The following MAGI2 variants were observed in gnomAD, a reference collection of about 807,000 sequenced individuals.
The protein encoded by MAGI2 is membrane associated guanylate kinase, WW and PDZ domain containing 2, also known as membrane-associated guanylate kinase, WW and PDZ domain-containing protein 2.
Under a neutral mutation model 133.3 loss-of-function variants are expected in MAGI2, and 35 were observed. The ratio of observed to expected loss-of-function variants is 0.26; its 90% CI spans 0.20 to 0.35. MAGI2 has a LOEUF of 0.35. MAGI2 is among the 10% of genes least tolerant of loss of function. MAGI2 has a pLI of 1.00. For missense variants in MAGI2, 1,636 were observed against 1,863.4 expected (o/e 0.88, Z 2.25); for synonymous variants, 729 against 710.6 (o/e 1.03, Z -0.41).
intron 1 of MAGI2, among the ~76,000 whole-genome samples, chr7:79,260,636 C>T (rs1208032562): frequency 2.6e-5 from 4 of 152,108 alleles, no homozygotes; most frequent in South Asian, 2.1e-4. Context: ...CAATGGAAAA[C>T]TCCATACCTG....
chr7:79,031,762 G>A (rs188471090), intron 1 of MAGI2, among the ~76,000 whole-genome samples: 12 of 152,028 alleles, frequency 7.9e-5, no homozygotes, highest in African/African-American at 2.7e-4. Flanking sequence ...CATAATCAAA[G>A]CACATTTGTT....
chr7:78,378,498 A>G (rs967863245), intron 6 of MAGI2, among the ~76,000 whole-genome samples: 1 of 152,044 alleles, frequency 6.6e-6, no homozygotes, highest in African/African-American at 2.4e-5. Flanking sequence ...CTAAAAGATA[A>G]GCTCCTTACA....
intron 7 of MAGI2, among the ~76,000 whole-genome samples, chr7:78,356,827 T>C (rs376121722): frequency 1.2e-3 from 185 of 152,250 alleles, no homozygotes; most frequent in African/African-American, 4.3e-3. Flanking sequence ...ATCCTCAATC[T>C]CACTGAGATT....
intron 2 of MAGI2, among the ~76,000 whole-genome samples, chr7:78,906,022 C>A (rs1485658869): frequency 6.6e-6 from 1 of 151,966 alleles, no homozygotes; most frequent in Non-Finnish European, 1.5e-5. Flanking sequence ...AAGAAAAGAA[C>A]TAAAGCAGAA....
intron 6 of MAGI2, among the ~76,000 whole-genome samples, chr7:78,399,644 A>C (rs1796667192): frequency 6.6e-6 from 1 of 152,008 alleles, no homozygotes; most frequent in Non-Finnish European, 1.5e-5. Context: ...ATCTGTACTA[A>C]AAATACAAAA....
At chr7:78,832,085 ATT>A (rs970311458) in intron 2 of MAGI2, among the ~76,000 whole-genome samples, 1 of 151,482 alleles carries the variant, frequency 6.6e-6, no homozygotes, top group African/African-American at 2.4e-5. Flanking sequence ...TTCTCTTGCT[ATT>A]TTTTTTAAAT....
intron 3 of MAGI2, among the ~76,000 whole-genome samples, chr7:78,535,520 A>G (rs1454989962): frequency 3.9e-5 from 6 of 152,202 alleles, no homozygotes; most frequent in Admixed American, 6.5e-5. Flanking sequence ...TGTAAAAATT[A>G]TAACTGAGGA....
At chr7:78,116,408 A>G (rs914971007) in intron 20 of MAGI2, among the ~76,000 whole-genome samples, 2 of 152,062 alleles carry the variant, frequency 1.3e-5, no homozygotes, top group African/African-American at 4.8e-5. Flanking sequence ...AATGGATGGA[A>G]TGAAATATTA....
At chr7:78,602,699 T>C (rs528474031) in intron 3 of MAGI2, among the ~76,000 whole-genome samples, 3 of 152,208 alleles carry the variant, frequency 2.0e-5, no homozygotes, top group Admixed American at 2.0e-4. Flanking sequence ...CAAAGAGCCA[T>C]GTATGTGATT....
At chr7:79,010,475 T>A (rs932125513) in intron 1 of MAGI2, among the ~76,000 whole-genome samples, 1 of 152,188 alleles carries the variant, frequency 6.6e-6, no homozygotes, top group Non-Finnish European at 1.5e-5. Context: ...TACAGAGTTC[T>A]AAAAAGTGTA....
intron 1 of MAGI2, among the ~76,000 whole-genome samples, chr7:79,393,966 T>G (rs1349322649): frequency 1.3e-5 from 2 of 152,112 alleles, no homozygotes; most frequent in Non-Finnish European, 2.9e-5. Context: ...AAGATGGAAT[T>G]GTTTGTGTGT....
intron 1 of MAGI2, among the ~76,000 whole-genome samples, chr7:79,450,781 A>G (rs1244349415): frequency 6.6e-6 from 1 of 152,196 alleles, no homozygotes; most frequent in African/African-American, 2.4e-5. Context: ...AATCCCTGGC[A>G]TATGGTCATT....
chr7:78,140,392 A>T (rs1326401439), intron 16 of MAGI2, among the ~76,000 whole-genome samples: 1 of 152,210 alleles, frequency 6.6e-6, no homozygotes, highest in Non-Finnish European at 1.5e-5. Context: ...AGATCCCACA[A>T]AGTGGAGTTA....
chr7:78,064,541 GT>G (rs1408508540), intron 21 of MAGI2, among the ~76,000 whole-genome samples: 5 of 152,180 alleles, frequency 3.3e-5, no homozygotes, highest in African/African-American at 4.8e-5. Context: ...CAGAGAGCCA[GT>G]TTAAAAGAAT....
chr7:78,157,180 G>A (rs185723802), intron 16 of MAGI2, among the ~76,000 whole-genome samples: 1 of 152,316 alleles, frequency 6.6e-6, no homozygotes, highest in African/African-American at 2.4e-5. Context: ...AATGCAACGT[G>A]CCATCAGTGA....
At chr7:79,074,248 T>C (rs1815256126) in intron 1 of MAGI2, among the ~76,000 whole-genome samples, 1 of 152,210 alleles carries the variant, frequency 6.6e-6, no homozygotes, top group Non-Finnish European at 1.5e-5. Context: ...CAAATGTGCC[T>C]ATGTAGCCCT....
chr7:79,179,998 G>A (rs759068735), intron 1 of MAGI2, among the ~76,000 whole-genome samples: 19 of 151,938 alleles, frequency 1.3e-4, no homozygotes, highest in Non-Finnish European at 2.8e-4. Context: ...CCTGTTGAAT[G>A]GAAGAAAATA....
intron 2 of MAGI2, among the ~76,000 whole-genome samples, chr7:78,923,695 G>A (rs11487105): frequency 0.28 from 42,156 of 151,862 alleles, 6,056 homozygotes; most frequent in South Asian, 0.37. Flanking sequence ...TTGGTTCCAT[G>A]TGAACTTTAA....
intron 2 of MAGI2, among the ~76,000 whole-genome samples, chr7:78,845,548 AG>A (rs1299167903): frequency 6.6e-6 from 1 of 152,004 alleles, no homozygotes; most frequent in Non-Finnish European, 1.5e-5. Context: ...AAATGCTGTG[AG>A]AAAAAAGGTA....
Sources: allele counts gnomAD v4.1 joint callset (sites outside exome capture counted in the v4.1 genomes callset), GRCh38; gene constraint gnomAD v4.1.1; transcripts MANE v1.5; gene names NCBI Gene and HGNC (gene_info 2026-07-23, HGNC 2026-07-21).